TTLL4: variants seen among roughly 807,000 people sequenced by gnomAD.
TTLL4 encodes tubulin monoglutamylase TTLL4.
A neutral mutation model predicts 122.7 loss-of-function variants in TTLL4; 85 were observed. That is an observed-to-expected ratio of 0.69 (90% confidence interval 0.58 to 0.83). TTLL4 has a LOEUF of 0.83. Among genes scored for constraint, TTLL4 ranks in the 40% least tolerant of loss-of-function variants. The pLI is 0.00. For synonymous variants in TTLL4, 553 were observed against 563.0 expected, an observed-to-expected ratio of 0.98 and a Z score of 0.25; for missense variants, 1,363 against 1,488.6, an observed-to-expected ratio of 0.92 and a Z score of 1.39.
chr2:218,751,840 A>G, intron 16 of TTLL4, 34 bp downstream of exon 16: 1 of 1,563,544 alleles, frequency 6.4e-7, no homozygotes, highest in Non-Finnish European at 8.7e-7. Flanking sequence ...GTGCTAGCAG[A>G]AAACTTCCCT....
At chr2:218,740,721 T>C (rs1369049064) in intron 5 of TTLL4, 137 bp downstream of exon 5, 2 of 1,001,834 alleles carry the variant, frequency 2.0e-6, no homozygotes, top group South Asian at 1.5e-5. Context: ...TTTGCGACTT[T>C]AGTTTTTGAA....
At chr2:218,751,200 A>G (rs184873888) in intron 15 of TTLL4, among the ~76,000 whole-genome samples, 203 of 152,344 alleles carry the variant, frequency 1.3e-3, no homozygotes, top group Non-Finnish European at 2.2e-3. Flanking sequence ...CATATCCCAC[A>G]AGCTCCTTGG....
At chr2:218,740,677 G>A (rs1265727303) in intron 5 of TTLL4, 93 bp downstream of exon 5, 1 of 1,460,600 alleles carries the variant, frequency 6.8e-7, no homozygotes, top group Non-Finnish European at 9.5e-7. Flanking sequence ...TAATGGCCTG[G>A]AGAACTCTAA....
At position 218,738,631 on chromosome 2, in the gene TTLL4, T is replaced by C. The variant is rs1259659698; in HGVS notation, c.955T>C (p.Cys319Arg). 3 of 1,614,226 alleles carry C rather than the reference T, an allele frequency of 1.9e-6. No homozygotes were observed. Among genetic ancestry groups the C allele is most frequent in the South Asian group, 2.2e-5 (2 of 91,088 alleles). The change falls in exon 3 of 20, where the codon TGT becomes CGT. Residue 319 changes from cysteine to arginine, a missense_variant. By Grantham distance (180) the Cys-to-Arg change is radical. Transcript: ENST00000392102. ...NLAMRAEPLS[C>R]ALDDSSDSQD... is the part of the protein sequence containing the mutation. ...AGCCATGAGGGCAGAGCCACTTTCC[T>C]GTGCTCTGGATGACAGCTCTGATTC...
chr2:218,746,109 T>C (rs751179671), intron 7 of TTLL4, 46 bp from the exon 8 acceptor site: 161 of 1,607,656 alleles, frequency 1.0e-4, no homozygotes, highest in Non-Finnish European at 1.3e-4. Context: ...TCTCTGTCCC[T>C]GGACTGAGCT....
At chr2:218,727,755 C>A (rs1942237863) in intron 2 of TTLL4, among the ~76,000 whole-genome samples, 1 of 151,854 alleles carries the variant, frequency 6.6e-6, no homozygotes, top group South Asian at 2.1e-4. Flanking sequence ...CAAAAAAAAA[C>A]AAACAAAAAA....
At chr2:218,743,521 T>G (rs1179601496) in intron 5 of TTLL4, among the ~76,000 whole-genome samples, 2 of 152,168 alleles carry the variant, frequency 1.3e-5, no homozygotes, top group Non-Finnish European at 2.9e-5. Flanking sequence ...CATGTACATA[T>G]TTTTCTGTCA....
At chr2:218,737,086 T>C (rs1469897514) in intron 2 of TTLL4, among the ~76,000 whole-genome samples, 2 of 152,128 alleles carry the variant, frequency 1.3e-5, no homozygotes, top group Non-Finnish European at 2.9e-5. Context: ...AAGCTGGGAT[T>C]ACAGGTGTGA....
At chr2:218,712,296 C>T (rs911230949) in intron 1 of TTLL4, among the ~76,000 whole-genome samples, 1 of 152,130 alleles carries the variant, frequency 6.6e-6, no homozygotes, top group African/African-American at 2.4e-5. Flanking sequence ...GGTTTTCAAG[C>T]TGGAGTAATC....
At chr2:218,755,569 G>A (rs962200955), downstream of TTLL4, among the ~76,000 whole-genome samples, 2 of 152,140 alleles carry the variant, frequency 1.3e-5, no homozygotes, top group Non-Finnish European at 2.9e-5. Flanking sequence ...CTCTGAAGCC[G>A]TGCTCCTTCC....
intron 2 of TTLL4, among the ~76,000 whole-genome samples, chr2:218,730,353 A>T (rs1251530501): frequency 1.4e-5 from 2 of 141,030 alleles, no homozygotes; most frequent in Non-Finnish European, 3.1e-5. Context: ...AAAAAAAGAA[A>T]AAAAATTAGC....
chr2:218,753,693 G>A (rs1396437303), intron 19 of TTLL4, 24 bp downstream of exon 19: 1 of 1,612,326 alleles, frequency 6.2e-7, no homozygotes, highest in South Asian at 1.1e-5. Flanking sequence ...GGGCAAGGGA[G>A]GGGCTGCTGG....
intron 3 of TTLL4, 66 bp from the exon 4 acceptor site, chr2:218,739,992 A>G: frequency 1.4e-6 from 2 of 1,426,048 alleles, no homozygotes; most frequent in East Asian, 2.3e-5. Flanking sequence ...TGATGAAGGA[A>G]TGAGAATCTA....
At chr2:218,736,470 A>G (rs1214274786) in intron 2 of TTLL4, 1 of 152,258 alleles carries the variant, frequency 6.6e-6, no homozygotes, top group African/African-American at 2.4e-5. Flanking sequence ...CAAAAGAGAC[A>G]GGCTCTTCCT....
intron 14 of TTLL4, among the ~76,000 whole-genome samples, chr2:218,749,631 C>G (rs1942962921): frequency 6.6e-6 from 1 of 152,148 alleles, no homozygotes; most frequent in African/African-American, 2.4e-5. Context: ...CCACACCCAG[C>G]TAATTTTTTG....
At chr2:218,748,654 C>CAAAAAAA (rs570493846) in intron 12 of TTLL4, 182 bp from the exon 13 acceptor site, 9 of 229,596 alleles carry the variant, frequency 3.9e-5, no homozygotes, top group Non-Finnish European at 4.6e-5. Flanking sequence ...AACTCCATCT[C>CAAAAAAA]AAAAAAAAAA....
intron 2 of TTLL4, among the ~76,000 whole-genome samples, chr2:218,736,945 G>T (rs1283944904): frequency 6.6e-6 from 1 of 151,476 alleles, no homozygotes; most frequent in Non-Finnish European, 1.5e-5. Context: ...TGCCTCCCAG[G>T]CTCAAGCGAT....
In TTLL4 at chr2:218,738,141, C is replaced by G; in HGVS notation, c.465C>G (p.Val155=). The G allele has an allele frequency of 6.2e-7, 1 of 1,614,126 alleles. No individual in the cohort carries two copies. Among genetic ancestry groups the G allele is most frequent in the South Asian group, 1.1e-5 (1 of 91,086 alleles). Residue 155 remains valine, a synonymous_variant, in exon 3 of 20, where the codon GTC becomes GTG. Coordinates refer to ENST00000392102, the MANE Select transcript of TTLL4 (RefSeq NM_014640.5). ...PFSLPQKSLP[V]SLTANKATSS... ...CTCTCCCTCAAAAGAGCCTCCCTGT[C>G]AGTCTCACTGCCAACAAGGCCACTT...
Sources: gnomAD v4.1 joint callset for allele counts (sites outside exome capture counted in the v4.1 genomes callset) on GRCh38, gnomAD v4.1.1 for gene constraint, MANE v1.5 for transcripts, NCBI Gene and HGNC (gene_info 2026-07-23, HGNC 2026-07-21) for gene names.